The following HECW1 variants were observed in gnomAD, a reference collection of about 807,000 sequenced individuals.
HECW1 encodes E3 ubiquitin-protein ligase HECW1.
In HECW1, 61 loss-of-function variants were observed where a neutral mutation model predicts 182.3. The observed-to-expected ratio is 0.33, with a 90% CI of 0.27 to 0.41. The LOEUF is 0.41. Ranked by LOEUF, HECW1 falls within the 10% of genes least tolerant of loss-of-function variation. HECW1 has a pLI of 1.00. For synonymous variants in HECW1, 859 were observed against 832.6 expected, an observed-to-expected ratio of 1.03 and a Z score of -0.55; for missense variants, 1,739 against 2,108.9, an observed-to-expected ratio of 0.82 and a Z score of 3.44.
intron 24 of HECW1, among the ~76,000 whole-genome samples, chr7:43,539,590 A>G (rs560670191): frequency 6.6e-6 from 1 of 152,302 alleles, no homozygotes; most frequent in Admixed American, 6.5e-5. Context: ...GTTATCATTT[A>G]TTTCATATCT....
intron 2 of HECW1, among the ~76,000 whole-genome samples, chr7:43,176,803 C>T (rs1003086288): frequency 6.6e-6 from 1 of 152,122 alleles, no homozygotes; most frequent in African/African-American, 2.4e-5. Flanking sequence ...CAAACCATAC[C>T]ACTATGTGAT....
chr7:43,163,366 C>T (rs913174810), intron 2 of HECW1, among the ~76,000 whole-genome samples: 1 of 152,198 alleles, frequency 6.6e-6, no homozygotes, highest in Non-Finnish European at 1.5e-5. Context: ...CACATACACA[C>T]CCCCACTGTG....
chr7:43,521,520 A>C (rs1261977303), intron 24 of HECW1, among the ~76,000 whole-genome samples: 1 of 152,226 alleles, frequency 6.6e-6, no homozygotes, highest in African/African-American at 2.4e-5. Context: ...CTGCGGGTTG[A>C]ATATATGTGT....
At chr7:43,228,369 C>T (rs1455762083) in intron 2 of HECW1, among the ~76,000 whole-genome samples, 1 of 151,206 alleles carries the variant, frequency 6.6e-6, no homozygotes. Flanking sequence ...ATTCACAGAG[C>T]TCATATACTT....
At chr7:43,472,519 C>T (rs1260296701) in intron 16 of HECW1, among the ~76,000 whole-genome samples, 5 of 151,892 alleles carry the variant, frequency 3.3e-5, no homozygotes. Context: ...GCACCAATGA[C>T]TTATAGAGTT....
rs577732915 is a variant in HECW1 at position 43,513,604 on chromosome 7, G to A, written c.4019+4483G>A. On this transcript the variant is annotated intron_variant, in intron 24 of 29. Coordinates refer to ENST00000395891, the MANE Select transcript of HECW1 (RefSeq NM_015052.5). ...TTTCTCGTGCAGTGTTGAGACATAC[G>A]AATATGAATAAATATAGTGAAAATT... 2.9e-4 allele frequency among the ~76,000 whole-genome samples: 44 copies of A among 151,824 alleles called. 2 individuals carry two copies. In the Middle Eastern group the frequency reaches 0.017, roughly 59 times the overall value.
At chr7:43,299,297 C>A (rs1806439403) in intron 3 of HECW1, among the ~76,000 whole-genome samples, 2 of 152,114 alleles carry the variant, frequency 1.3e-5, no homozygotes, top group Non-Finnish European at 2.9e-5. Flanking sequence ...GTGGGAGAGG[C>A]CGTGGGGCTG....
chr7:43,309,679 G>C (rs781557318), intron 3 of HECW1, among the ~76,000 whole-genome samples: 47 of 152,200 alleles, frequency 3.1e-4, no homozygotes, highest in Non-Finnish European at 6.0e-4. Flanking sequence ...CTGAGCACCA[G>C]TATATAGAGC....
chr7:43,115,762 A>G (rs1054370743), intron 2 of HECW1, among the ~76,000 whole-genome samples: 2 of 152,246 alleles, frequency 1.3e-5, no homozygotes, highest in Admixed American at 6.5e-5. Context: ...AATCAAAATA[A>G]TATCCTGAAA....
chr7:43,434,211 A>G (rs1231149501), intron 8 of HECW1, among the ~76,000 whole-genome samples: 2 of 152,266 alleles, frequency 1.3e-5, no homozygotes, highest in Non-Finnish European at 2.9e-5. Context: ...ACAGCTGTAT[A>G]GGATTAGTGG....
At chr7:43,149,285 A>C (rs1272527781) in intron 2 of HECW1, among the ~76,000 whole-genome samples, 1 of 152,200 alleles carries the variant, frequency 6.6e-6, no homozygotes, top group Non-Finnish European at 1.5e-5. Flanking sequence ...TCACCTCCAG[A>C]TATGATGCAC....
At chr7:43,500,402 A>G (rs1010859228) in intron 19 of HECW1, among the ~76,000 whole-genome samples, 1 of 152,058 alleles carries the variant, frequency 6.6e-6, no homozygotes, top group Non-Finnish European at 1.5e-5. Context: ...CCCGCCCCAG[A>G]ACAGTCTTTC....
At chr7:43,505,898 CT>C (rs1369385086) in intron 21 of HECW1, among the ~76,000 whole-genome samples, 2 of 152,138 alleles carry the variant, frequency 1.3e-5, no homozygotes, top group Non-Finnish European at 2.9e-5. Context: ...CAGCATCAGT[CT>C]TCTCTAAATT....
intron 27 of HECW1, among the ~76,000 whole-genome samples, chr7:43,550,985 T>C (rs890928399): frequency 1.3e-5 from 2 of 152,220 alleles, no homozygotes; most frequent in Admixed American, 1.3e-4. Flanking sequence ...CACTAGAATT[T>C]TATTTTGTTA....
chr7:43,452,339 AAAT>A (rs2077261970), intron 12 of HECW1, among the ~76,000 whole-genome samples: 1 of 152,238 alleles, frequency 6.6e-6, no homozygotes, highest in Non-Finnish European at 1.5e-5. Context: ...TTATACATGC[AAAT>A]ATTATAAATG....
intron 4 of HECW1, among the ~76,000 whole-genome samples, chr7:43,318,093 C>A (rs1385366747): frequency 6.6e-6 from 1 of 152,126 alleles, no homozygotes; most frequent in Non-Finnish European, 1.5e-5. Context: ...ACAAAGTACC[C>A]AATACCCATT....
chr7:43,125,971 C>T (rs1366775890), intron 2 of HECW1, among the ~76,000 whole-genome samples: 2 of 151,474 alleles, frequency 1.3e-5, no homozygotes, highest in Non-Finnish European at 2.9e-5. Context: ...CTGAAAACCT[C>T]CAACTGCCTT....
At chr7:43,451,436 T>G (rs1427200370) in intron 12 of HECW1, among the ~76,000 whole-genome samples, 2 of 152,224 alleles carry the variant, frequency 1.3e-5, no homozygotes, top group Non-Finnish European at 2.9e-5. Flanking sequence ...TCTGCAGTTC[T>G]TAGGGGTTGC....
At chr7:43,192,546 T>TA (rs35664967) in intron 2 of HECW1, among the ~76,000 whole-genome samples, 2,937 of 150,040 alleles carry the variant, frequency 0.02, 73 homozygotes, top group Non-Finnish European at 0.027. Context: ...AAAAAAGTGG[T>TA]ACACTATTGA....
Sources: gnomAD v4.1 joint callset for allele counts (sites outside exome capture counted in the v4.1 genomes callset) on GRCh38, gnomAD v4.1.1 for gene constraint, MANE v1.5 for transcripts, NCBI Gene and HGNC (gene_info 2026-07-23, HGNC 2026-07-21) for gene names.